MAPK10: variants seen among roughly 807,000 people sequenced by gnomAD.
MAPK10 encodes the protein JNK3 alpha protein kinase.
A neutral mutation model predicts 59.3 loss-of-function variants in MAPK10; 25 were observed. The observed-to-expected ratio is 0.42, with a 90% CI of 0.31 to 0.59. The LOEUF (loss-of-function observed/expected upper bound fraction) is 0.59, where lower values mean the gene tolerates loss of function less well. Ranked by LOEUF, MAPK10 falls within the 20% of genes least tolerant of loss-of-function variation. The pLI is 0.15. For missense variants in MAPK10, 351 were observed against 568.9 expected (o/e 0.62, Z 3.90); for synonymous variants, 190 against 200.5 (o/e 0.95, Z 0.44).
intron 2 of MAPK10, among the ~76,000 whole-genome samples, chr4:86,341,909 C>T (rs1010685816): frequency 2.0e-5 from 3 of 151,560 alleles, no homozygotes; most frequent in African/African-American, 4.8e-5. Context: ...TGGGAAAGCA[C>T]CATTATTAGT....
chr4:86,466,871 A>G (rs1752252037), intron 1 of MAPK10, among the ~76,000 whole-genome samples: 1 of 152,192 alleles, frequency 6.6e-6, no homozygotes, highest in Non-Finnish European at 1.5e-5. Context: ...CTTCAGCAAC[A>G]AAATGTGACT....
chr4:86,504,604 C>T (rs945238895), intron 1 of MAPK10, among the ~76,000 whole-genome samples: 2 of 152,224 alleles, frequency 1.3e-5, no homozygotes, highest in African/African-American at 2.4e-5. Flanking sequence ...TCTAGCCAAA[C>T]GAAACCACTG....
intron 3 of MAPK10, 31 bp downstream of exon 3, chr4:86,194,305 G>C (rs775494204): frequency 1.9e-6 from 3 of 1,566,086 alleles, no homozygotes; most frequent in Non-Finnish European, 2.6e-6. Flanking sequence ...GGAATATACT[G>C]TACCTTGTTT....
chr4:86,484,047 G>C (rs1753796858), intron 1 of MAPK10, among the ~76,000 whole-genome samples: 1 of 152,132 alleles, frequency 6.6e-6, no homozygotes, highest in African/African-American at 2.4e-5. Context: ...CACAGCAGTT[G>C]TATTATTAAA....
At chr4:86,512,426 A>G (rs1376578898) in intron 1 of MAPK10, among the ~76,000 whole-genome samples, 1 of 152,204 alleles carries the variant, frequency 6.6e-6, no homozygotes, top group Non-Finnish European at 1.5e-5. Flanking sequence ...CCAGCCTTAT[A>G]GTGAGTGAGT....
chr4:86,230,957 C>T (rs1222118902), intron 2 of MAPK10, among the ~76,000 whole-genome samples: 2 of 152,004 alleles, frequency 1.3e-5, no homozygotes, highest in South Asian at 2.1e-4. Context: ...AAATCTAGAC[C>T]GGGGATAACT....
intron 1 of MAPK10, among the ~76,000 whole-genome samples, chr4:86,500,531 G>C (rs1355796215): frequency 6.6e-6 from 1 of 152,074 alleles, no homozygotes; most frequent in Non-Finnish European, 1.5e-5. Context: ...TGGGGGTTTT[G>C]TTGTAATTAC....
rs1279883900 is a variant in MAPK10 at position 86,365,441 on chromosome 4, A to T, written c.-121-10797T>A. 4.2e-3 allele frequency among the ~76,000 whole-genome samples: 384 copies of T among 90,936 alleles called. 13 individuals carry two copies. The highest frequency in any genetic ancestry group is 0.015 in the African/African-American group (372 of 24,936). 59.7% of individuals were successfully genotyped at this position (90,936 alleles called of 152,430 possible). On this transcript the variant is annotated intron_variant, in intron 1 of 13. Transcript: ENST00000361569. ...GGTGAGACTCTGTCTCAAAAAAAAA[A>T]AAAAAAAAAAAAAAAAAAAAAAAAA...
rs1031635152 is a variant in MAPK10 at position 86,463,873 on chromosome 4, T to C, written c.-262-109229A>G. On this transcript the variant is annotated intron_variant, in intron 1 of 4. Coordinates refer to the MAPK10 transcript ENST00000502302. The stretch of plus-strand genomic sequence containing the variant: ...GTCCATAAAGCTCAAATAAATTGAA[T>C]AGATCCAGAGAAGACTCTAGATTTG... 9.9e-5 allele frequency among the ~76,000 whole-genome samples: 15 copies of C among 152,162 alleles called. 1 individual carries two copies. The highest frequency in any genetic ancestry group is 1.5e-5 in the Non-Finnish European group (1 of 68,032).
rs537300640 is a variant in MAPK10, at chr4:86,110,233, G to A, written c.237-2881C>T. ...GTCCAGAAGCTCTTTAGTTTAATTAGATCCCATTTGTCCTTTTTTGCTTTT... is the reference window on the plus strand; with the variant it reads ...GTCCAGAAGCTCTTTAGTTTAATTAAATCCCATTTGTCCTTTTTTGCTTTT... On this transcript the variant is annotated intron_variant, in intron 4 of 13. Coordinates refer to ENST00000641462, the MANE Select transcript of MAPK10 (RefSeq NM_138982.4). 4.6e-4 allele frequency among the ~76,000 whole-genome samples: 70 copies of A among 152,244 alleles called. 1 individual carries two copies. The South Asian group carries it at 0.014, about 30-fold the overall frequency.
rs1383052766 is a variant in MAPK10, at chr4:86,249,350, A to T, written c.-6-54943T>A. On this transcript the variant is annotated intron_variant, in intron 2 of 13. Coordinates refer to ENST00000641462, the MANE Select transcript of MAPK10 (RefSeq NM_138982.4). ...ATTCTCCTGTGCAGATTCCTTCATC[A>T]TCACAAGGCGGTTGCTGTAATTCTA... Among the ~76,000 whole-genome samples the T allele has an allele frequency of 2.0e-5, 3 of 152,188 alleles. No homozygotes were observed. The East Asian group carries it at 5.8e-4, about 29-fold the overall frequency.
intron 2 of MAPK10, among the ~76,000 whole-genome samples, chr4:86,350,042 G>T (rs569796401): frequency 6.6e-6 from 1 of 152,150 alleles, no homozygotes; most frequent in Admixed American, 6.6e-5. Context: ...ATGGGAGTAT[G>T]ACATATCATT....
At chr4:86,281,088 C>A (rs1426425610) in intron 2 of MAPK10, among the ~76,000 whole-genome samples, 2 of 152,024 alleles carry the variant, frequency 1.3e-5, no homozygotes, top group Non-Finnish European at 2.9e-5. Context: ...TCCCCTGAAT[C>A]TAAAATAGAA....
At chr4:86,391,680 A>G (rs552828363) in intron 1 of MAPK10, among the ~76,000 whole-genome samples, 6 of 152,212 alleles carry the variant, frequency 3.9e-5, no homozygotes, top group Non-Finnish European at 7.3e-5. Context: ...CTGAGATTAC[A>G]CAGATAAAGC....
intron 1 of MAPK10, among the ~76,000 whole-genome samples, chr4:86,430,298 G>A (rs1747864224): frequency 6.6e-6 from 1 of 152,168 alleles, no homozygotes; most frequent in Non-Finnish European, 1.5e-5. Flanking sequence ...ATGTATCAAT[G>A]GTTTTCATTT....
At chr4:86,569,878 C>T (rs960157884) in intron 1 of MAPK10, among the ~76,000 whole-genome samples, 7 of 151,946 alleles carry the variant, frequency 4.6e-5, no homozygotes, top group African/African-American at 1.7e-4. Context: ...ATGATGGGTA[C>T]ATTAAAAGCC....
intron 2 of MAPK10, among the ~76,000 whole-genome samples, chr4:86,350,562 T>C (rs1321211232): frequency 1.3e-5 from 2 of 152,126 alleles, no homozygotes; most frequent in African/African-American, 4.8e-5. Flanking sequence ...TTGGCCAGGC[T>C]GGTCTCAAAC....
intron 1 of MAPK10, among the ~76,000 whole-genome samples, chr4:86,420,998 C>T (rs1033717979): frequency 5.3e-5 from 8 of 151,926 alleles, no homozygotes; most frequent in Admixed American, 2.0e-4. Flanking sequence ...AGGAGAATCG[C>T]TTGAACCCGG....
intron 1 of MAPK10, among the ~76,000 whole-genome samples, chr4:86,375,645 G>A (rs946996485): frequency 7.1e-6 from 1 of 140,902 alleles, no homozygotes; most frequent in Admixed American, 7.7e-5. Context: ...AGCCCAGGAG[G>A]TCAAGGCTGC....
Sources: allele counts gnomAD v4.1 joint callset (sites outside exome capture counted in the v4.1 genomes callset), GRCh38; gene constraint gnomAD v4.1.1; transcripts MANE v1.5; gene names NCBI Gene and HGNC (gene_info 2026-07-23, HGNC 2026-07-21).